Variants in BRAF observed in about 807,000 individuals in gnomAD.
The protein encoded by BRAF is serine/threonine-protein kinase B-raf.
A neutral mutation model predicts 104.6 loss-of-function variants in BRAF; 16 were observed. That is an observed-to-expected ratio of 0.15 (90% CI 0.10 to 0.23). BRAF has a LOEUF of 0.23. Among genes scored for constraint, BRAF ranks in the 10% least tolerant of loss-of-function variants. The pLI is 1.00. For synonymous variants in BRAF, 310 were observed against 341.6 expected (o/e 0.91, Z 1.02); for missense variants, 541 against 937.3 (o/e 0.58, Z 5.52).
In BRAF at chr7:140,924,754, G is replaced by A. The variant is rs1011636961; in HGVS notation, c.-51C>T. The A allele has an allele frequency of 1.4e-6, 1 of 690,230 alleles. No homozygotes were observed. Among genetic ancestry groups the A allele is most frequent in the Middle Eastern group, 3.8e-4 (1 of 2,664 alleles). 42.8% of individuals were successfully genotyped at this position (690,230 alleles called of 1,614,324 possible). A position where few individuals can be genotyped will look rare whatever the true frequency, so the allele number is the denominator to read the frequency against. ...GCGGCCGCTGTCGGGCGGGGAGGGG[G>A]AAGGGAGGCGGAGAGCTGGGGGAGG... On this transcript the variant is annotated 5_prime_UTR_variant, in exon 1 of 20. Transcript: ENST00000644969. This position sits in a 1 kb window ranked among gnomAD's most constrained non-coding sequence, Gnocchi z 4.2.
intron 1 of BRAF, among the ~76,000 whole-genome samples, chr7:140,913,803 A>G (rs1451527968): frequency 6.6e-6 from 1 of 152,030 alleles, no homozygotes; most frequent in Non-Finnish European, 1.5e-5. Context: ...TTAAATACCA[A>G]AACACAAGTC....
At chr7:140,727,320 A>T (rs1366911086) in intron 19 of BRAF, among the ~76,000 whole-genome samples, 1 of 151,472 alleles carries the variant, frequency 6.6e-6, no homozygotes, top group East Asian at 1.9e-4. Flanking sequence ...AGTAGCTGGG[A>T]TTACAGGCAT....
intron 2 of BRAF, among the ~76,000 whole-genome samples, chr7:140,842,942 T>C (rs922096538): frequency 2.0e-5 from 3 of 152,162 alleles, no homozygotes; most frequent in African/African-American, 7.2e-5. Context: ...AATTTCTCTG[T>C]TTTGCTACAA....
intron 3 of BRAF, among the ~76,000 whole-genome samples, chr7:140,825,811 C>G (rs1805984721): frequency 6.6e-6 from 1 of 152,076 alleles, no homozygotes; most frequent in Non-Finnish European, 1.5e-5. Flanking sequence ...TAATTATTTT[C>G]TATATAATTT....
At chr7:140,834,959 A>C (rs1245127702) in intron 2 of BRAF, 87 bp from the exon 3 acceptor site, 5 of 1,482,780 alleles carry the variant, frequency 3.4e-6, no homozygotes, top group Non-Finnish European at 3.7e-6. Flanking sequence ...TTTGATTATA[A>C]TCTTTTCACC....
chr7:140,870,721 C>A (rs1811482169), intron 1 of BRAF, among the ~76,000 whole-genome samples: 1 of 151,846 alleles, frequency 6.6e-6, no homozygotes, highest in African/African-American at 2.4e-5. Context: ...GGAAACGGAA[C>A]CACGAAGAGC....
intron 3 of BRAF, among the ~76,000 whole-genome samples, chr7:140,827,559 C>T (rs1806200509): frequency 6.6e-6 from 1 of 152,226 alleles, no homozygotes; most frequent in Non-Finnish European, 1.5e-5. Flanking sequence ...TAATAGATTT[C>T]AGCCTTTCAC....
chr7:140,751,853 T>C (rs1303353067), intron 16 of BRAF, among the ~76,000 whole-genome samples: 1 of 152,202 alleles, frequency 6.6e-6, no homozygotes, highest in Non-Finnish European at 1.5e-5. Context: ...AACTTTTCTG[T>C]TTCCAGCAGG....
chr7:140,864,169 T>G (rs2129085934), intron 1 of BRAF, among the ~76,000 whole-genome samples: 1 of 152,276 alleles, frequency 6.6e-6, no homozygotes, highest in East Asian at 1.9e-4. Context: ...CAACCATAGT[T>G]AAGCAAGAGA....
intron 1 of BRAF, among the ~76,000 whole-genome samples, chr7:140,871,473 G>A (rs1392267494): frequency 6.6e-6 from 1 of 152,062 alleles, no homozygotes; most frequent in African/African-American, 2.4e-5. Flanking sequence ...AGCTCACTTA[G>A]TAGAACTAGA....
At chr7:140,852,676 C>A (rs1365619387) in intron 1 of BRAF, among the ~76,000 whole-genome samples, 2 of 152,164 alleles carry the variant, frequency 1.3e-5, no homozygotes, top group African/African-American at 4.8e-5. Flanking sequence ...CTTTATATGC[C>A]AACTATGAAC....
intron 1 of BRAF, among the ~76,000 whole-genome samples, chr7:140,863,685 T>C (rs1810644468): frequency 6.6e-6 from 1 of 152,164 alleles, no homozygotes; most frequent in Non-Finnish European, 1.5e-5. Context: ...TGCTGTCCTT[T>C]TGATGAGTGA....
intron 1 of BRAF, among the ~76,000 whole-genome samples, chr7:140,862,210 G>A (rs191699052): frequency 5.4e-4 from 82 of 152,212 alleles, no homozygotes; most frequent in African/African-American, 1.7e-3. Flanking sequence ...GGAGAAAACT[G>A]AAATATTATT....
intron 11 of BRAF, 88 bp downstream of exon 10, chr7:140,782,932 AC>A (rs1801018081): frequency 6.9e-7 from 1 of 1,459,302 alleles, no homozygotes; most frequent in African/African-American, 1.4e-5. Context: ...TCACATATGG[AC>A]ATAATATATC....
At chr7:140,772,272 TACA>T (rs61337459) in intron 14 of BRAF, among the ~76,000 whole-genome samples, 9,047 of 149,262 alleles carry the variant, frequency 0.061, 364 homozygotes, top group South Asian at 0.12. Flanking sequence ...ATTGTTTAAC[TACA>T]ACAACAACAA....
intron 1 of BRAF, among the ~76,000 whole-genome samples, chr7:140,909,625 G>A (rs1816742143): frequency 6.6e-6 from 1 of 152,094 alleles, no homozygotes; most frequent in Non-Finnish European, 1.5e-5. Flanking sequence ...CATCAATTAC[G>A]TGATTTTCTA....
chr7:140,762,614 T>G (rs971199106), intron 14 of BRAF, among the ~76,000 whole-genome samples: 6 of 150,594 alleles, frequency 4.0e-5, no homozygotes, highest in Non-Finnish European at 7.4e-5. Context: ...TTTTTTTTTT[T>G]TTTTTTTTTT....
rs1361210686 is a variant in BRAF at position 140,720,567 on chromosome 7, A to C, written c.*5927T>G. 1.0e-5 allele frequency: 11 copies of C among 1,065,458 alleles called. No individual in the cohort carries two copies. Among genetic ancestry groups the C allele is most frequent in the Non-Finnish European group, 1.3e-5 (11 of 879,508 alleles). 66.0% of individuals were successfully genotyped at this position (1,065,458 alleles called of 1,614,324 possible). On this transcript the variant is annotated 3_prime_UTR_variant, in exon 20 of 20. Coordinates refer to ENST00000644969, the MANE Select transcript of BRAF (RefSeq NM_001374258.1). The stretch of plus-strand genomic sequence containing the variant: ...AAAAAAACCGTTCACAGCTTAGAAT[A>C]AAAAGCATACTTATTGCACTCTTAC...
chr7:140,806,758 T>C (rs1171932305), intron 5 of BRAF, among the ~76,000 whole-genome samples: 1 of 152,200 alleles, frequency 6.6e-6, no homozygotes. Flanking sequence ...CACAGTAAAA[T>C]TTGATTGACA....
Sources: gnomAD v4.1 joint callset for allele counts (sites outside exome capture counted in the v4.1 genomes callset) on GRCh38, gnomAD v4.1.1 for gene constraint, Gnocchi (gnomAD v3.1) non-coding constraint, MANE v1.5 for transcripts, NCBI Gene and HGNC (gene_info 2026-07-23, HGNC 2026-07-21) for gene names.